PJA2: variants seen among roughly 807,000 people sequenced by gnomAD.
PJA2 encodes the protein E3 ubiquitin-protein ligase Praja-2.
A neutral mutation model predicts 69.3 loss-of-function variants in PJA2; 25 were observed. That is an observed-to-expected ratio of 0.36 (90% CI 0.26 to 0.50). The LOEUF is 0.50. Ranked by LOEUF, PJA2 falls within the 20% of genes least tolerant of loss-of-function variation. The pLI is 0.96. For synonymous variants in PJA2, 308 were observed against 277.8 expected (o/e 1.11, Z -1.08); for missense variants, 809 against 830.2 (o/e 0.97, Z 0.31).
chr5:109,376,726 A>G (rs2127005506), intron 4 of PJA2, among the ~76,000 whole-genome samples: 2 of 152,298 alleles, frequency 1.3e-5, no homozygotes, highest in South Asian at 4.1e-4. Flanking sequence ...ACCTAGAGGT[A>G]TAATATTAGA....
rs185577591 is a variant in PJA2, at chr5:109,337,223, G to A, written c.*8C>T. On this transcript the variant is annotated 3_prime_UTR_variant, in exon 10 of 10. Transcript: ENST00000361189. ...TTGATACACTGATCTCATTTCAACT[G>A]TCAAGGTTTAGGGTGCTTCTGCAAT... 6.2e-7 allele frequency: 1 copy of A among 1,612,516 alleles called. No individual in the cohort carries two copies. The highest frequency in any genetic ancestry group is 1.3e-5 in the African/African-American group (1 of 74,832).
At chr5:109,348,849 G>C (rs1382254808) in intron 7 of PJA2, among the ~76,000 whole-genome samples, 1 of 152,158 alleles carries the variant, frequency 6.6e-6, no homozygotes, top group East Asian at 1.9e-4. Flanking sequence ...ACAAGGATTA[G>C]TAATTCTGCA....
intron 9 of PJA2, among the ~76,000 whole-genome samples, chr5:109,342,214 C>G (rs1304369730): frequency 2.7e-5 from 2 of 74,476 alleles, no homozygotes; most frequent in African/African-American, 1.1e-4. Flanking sequence ...GGTCAGCCCC[C>G]CCGCCCGGCC....
chr5:109,384,055 T>A (rs563232434), intron 1 of PJA2, among the ~76,000 whole-genome samples: 7 of 152,350 alleles, frequency 4.6e-5, no homozygotes, highest in African/African-American at 1.2e-4. Context: ...CCTAAGTATA[T>A]ATCATCCTTA....
At chr5:109,374,587 A>T (rs1028370853) in intron 4 of PJA2, among the ~76,000 whole-genome samples, 1 of 152,248 alleles carries the variant, frequency 6.6e-6, no homozygotes, top group Admixed American at 6.5e-5. Context: ...TCTGGCACTT[A>T]AGATTTCAAC....
At chr5:109,371,871 T>C (rs1478715663) in intron 4 of PJA2, among the ~76,000 whole-genome samples, 1 of 152,220 alleles carries the variant, frequency 6.6e-6, no homozygotes, top group Non-Finnish European at 1.5e-5. Flanking sequence ...TTATTAGCTA[T>C]GAAAACCTCT....
At chr5:109,377,415 T>A (rs1218005861) in intron 4 of PJA2, among the ~76,000 whole-genome samples, 1 of 152,138 alleles carries the variant, frequency 6.6e-6, no homozygotes, top group Admixed American at 6.5e-5. Context: ...ATTCAGCAAC[T>A]GAACAAAGAA....
intron 1 of PJA2, among the ~76,000 whole-genome samples, chr5:109,384,448 T>C (rs945128145): frequency 7.2e-5 from 11 of 152,248 alleles, no homozygotes; most frequent in African/African-American, 2.4e-4. Flanking sequence ...TGCATTTATT[T>C]ACTATTTGAA....
intron 9 of PJA2, among the ~76,000 whole-genome samples, chr5:109,339,733 A>T (rs1762009148): frequency 6.6e-6 from 1 of 152,234 alleles, no homozygotes; most frequent in South Asian, 2.1e-4. Flanking sequence ...ATTAGTAATA[A>T]GTTTACCATT....
At position 109,381,462 on chromosome 5, in the gene PJA2, T is replaced by C. The variant is rs771892942; in HGVS notation, c.232+41A>G. The C allele has an allele frequency of 4.5e-6, 7 of 1,547,028 alleles. No individual in the cohort carries two copies. The South Asian group carries it at 4.6e-5, about 10-fold the overall frequency. ...AATTTAATTATAAGATCAATTCCTA[T>C]ATAACTATTAATAACCTTTAAATAA... On this transcript the variant is annotated intron_variant, in intron 3 of 9. Coordinates refer to ENST00000361189, the MANE Select transcript of PJA2 (RefSeq NM_014819.5).
chr5:109,358,061 C>T (rs894883537), intron 6 of PJA2, among the ~76,000 whole-genome samples: 2 of 152,304 alleles, frequency 1.3e-5, no homozygotes, highest in East Asian at 3.9e-4. Context: ...CAGGCCCTCC[C>T]AAAATCTGGC....
chr5:109,368,448 A>T, intron 5 of PJA2, 113 bp downstream of exon 5: 1 of 866,012 alleles, frequency 1.2e-6, no homozygotes, highest in Non-Finnish European at 1.7e-6. Flanking sequence ...AGGGGGGCCT[A>T]CTGGTTCTAC....
At chr5:109,408,952 T>C (rs1054919143) in intron 1 of PJA2, among the ~76,000 whole-genome samples, 43 of 152,244 alleles carry the variant, frequency 2.8e-4, no homozygotes, top group Non-Finnish European at 1.3e-4. Context: ...ATGAAAATTT[T>C]AAACTTCACA....
At chr5:109,342,272 A>T in intron 9 of PJA2, among the ~76,000 whole-genome samples, 1 of 70,380 alleles carries the variant, frequency 1.4e-5, no homozygotes, top group African/African-American at 6.1e-5. Context: ...GGCCGCCCCT[A>T]CTGGGAAGTG....
At chr5:109,357,721 G>C (rs1484811969) in intron 6 of PJA2, among the ~76,000 whole-genome samples, 2 of 152,234 alleles carry the variant, frequency 1.3e-5, no homozygotes, top group Non-Finnish European at 2.9e-5. Flanking sequence ...GTATGTACCA[G>C]TGCGGGAGAG....
chr5:109,373,271 G>A (rs1762708053), intron 4 of PJA2, among the ~76,000 whole-genome samples: 1 of 152,122 alleles, frequency 6.6e-6, no homozygotes, highest in Non-Finnish European at 1.5e-5. Context: ...CTTCAAGATT[G>A]AGAAAAACTC....
In PJA2 at chr5:109,362,025, T is replaced by C. The variant is rs147386559; in HGVS notation, c.1652+815A>G. Among the ~76,000 whole-genome samples, 26 of 152,370 alleles carry C rather than the reference T, an allele frequency of 1.7e-4. No homozygotes were observed. In the East Asian group the frequency reaches 4.8e-3, roughly 28 times the overall value. On this transcript the variant is annotated intron_variant, in intron 6 of 9. Transcript: ENST00000361189. ...GGAGATATAAATGAGTTTTTTCTTA[T>C]TTATTTTTCTGAATTTTCTGTAAAG...
chr5:109,360,461 A>G (rs1762488042), intron 6 of PJA2, among the ~76,000 whole-genome samples: 1 of 152,170 alleles, frequency 6.6e-6, no homozygotes, highest in South Asian at 2.1e-4. Flanking sequence ...CAGTGGCAAA[A>G]CAAAAAAAAA....
chr5:109,407,885 G>C (rs974520302), intron 1 of PJA2, among the ~76,000 whole-genome samples: 7 of 152,120 alleles, frequency 4.6e-5, no homozygotes, highest in African/African-American at 1.7e-4. Flanking sequence ...TTTCTGAGGA[G>C]AGAGACTCAA....
Sources: gnomAD v4.1 joint callset for allele counts (sites outside exome capture counted in the v4.1 genomes callset) on GRCh38, gnomAD v4.1.1 for gene constraint, MANE v1.5 for transcripts, NCBI Gene and HGNC (gene_info 2026-07-23, HGNC 2026-07-21) for gene names.